Variants in MAF observed in about 807,000 individuals in gnomAD.
MAF encodes MAF bZIP transcription factor.
Under a neutral mutation model 22.0 loss-of-function variants are expected in MAF, and 10 were observed. The ratio of observed to expected loss-of-function variants is 0.45; its 90% CI spans 0.28 to 0.77. The LOEUF (loss-of-function observed/expected upper bound fraction) is 0.77, where lower values mean the gene tolerates loss of function less well. Among genes scored for constraint, MAF ranks in the 30% least tolerant of loss-of-function variants. The pLI is 0.12. For missense variants in MAF, 544 were observed against 548.4 expected (o/e 0.99, Z 0.08); for synonymous variants, 337 against 255.8 (o/e 1.32, Z -3.03).
the MAF span, among the ~76,000 whole-genome samples, chr16:79,252,060 G>A: frequency 2.8e-4 from 42 of 152,366 alleles, no homozygotes; most frequent in South Asian, 8.5e-3. Flanking sequence ...TGCCGTCCCG[G>A]CCTGCAGAAA....
chr16:79,558,060 T>G, the MAF span, among the ~76,000 whole-genome samples: 2 of 150,806 alleles, frequency 1.3e-5, no homozygotes, highest in Non-Finnish European at 1.5e-5. Flanking sequence ...ATGTGACACC[T>G]GTCCTGGAAA....
chr16:79,595,780 T>G (rs567492423), intron 1 of MAF: 5 of 1,056,992 alleles, frequency 4.7e-6, no homozygotes, highest in African/African-American at 1.7e-5. Flanking sequence ...TACTAGCTCA[T>G]CCAGGTAGAG....
At chr16:79,360,422 C>G in the MAF span, among the ~76,000 whole-genome samples, 1,086 of 152,258 alleles carry the variant, frequency 7.1e-3, 8 homozygotes, top group African/African-American at 0.025. Flanking sequence ...AGATTAAATC[C>G]CAGCTCTACC....
the MAF span, among the ~76,000 whole-genome samples, chr16:79,431,898 C>G: frequency 1.3e-5 from 2 of 152,176 alleles, no homozygotes; most frequent in Non-Finnish European, 2.9e-5. Flanking sequence ...TGCCACCTTT[C>G]CCTCATATGC....
chr16:79,534,372 C>T, the MAF span, among the ~76,000 whole-genome samples: 1 of 152,156 alleles, frequency 6.6e-6, no homozygotes, highest in East Asian at 1.9e-4. Flanking sequence ...GCCAGCTGGG[C>T]ATCTGAATTT....
At chr16:79,596,623 A>C (rs1013243368) in intron 1 of MAF, 3 of 1,041,010 alleles carry the variant, frequency 2.9e-6, no homozygotes, top group Admixed American at 5.6e-5. Context: ...CAAAATATGT[A>C]AAAGAAAAGT....
the MAF span, among the ~76,000 whole-genome samples, chr16:79,461,554 G>A: frequency 6.6e-6 from 1 of 152,166 alleles, no homozygotes; most frequent in Non-Finnish European, 1.5e-5. Context: ...TCTTCTGCTG[G>A]CTTGAACACA....
the MAF span, among the ~76,000 whole-genome samples, chr16:79,335,988 A>T: frequency 6.6e-6 from 1 of 152,104 alleles, no homozygotes; most frequent in Admixed American, 6.5e-5. Flanking sequence ...GCTTCTGGGG[A>T]TGTGGGACGG....
chr16:79,532,084 G>A, the MAF span, among the ~76,000 whole-genome samples: 44 of 152,154 alleles, frequency 2.9e-4, no homozygotes, highest in African/African-American at 9.9e-4. Flanking sequence ...TATTGCACGG[G>A]ATTGACTTAT....
At chr16:79,417,023 C>T in the MAF span, among the ~76,000 whole-genome samples, 1 of 152,304 alleles carries the variant, frequency 6.6e-6, no homozygotes. Context: ...GTTGTTTCCA[C>T]AATGCCAGAA....
chr16:79,480,874 T>C, the MAF span, among the ~76,000 whole-genome samples: 4 of 152,186 alleles, frequency 2.6e-5, no homozygotes, highest in East Asian at 1.9e-4. Flanking sequence ...ACCGTGGGAC[T>C]GGGCAGTTCA....
At chr16:79,281,256 GC>G in the MAF span, among the ~76,000 whole-genome samples, 1 of 149,474 alleles carries the variant, frequency 6.7e-6, no homozygotes, top group African/African-American at 2.5e-5. Context: ...AGGGTAATGA[GC>G]AAAGGGTATT....
At chr16:79,557,628 C>A in the MAF span, among the ~76,000 whole-genome samples, 2 of 152,080 alleles carry the variant, frequency 1.3e-5, no homozygotes, top group African/African-American at 2.4e-5. Context: ...AGCCAACCCT[C>A]AGAGTGTTGC....
chr16:79,246,650 C>T, the MAF span, among the ~76,000 whole-genome samples: 1 of 151,844 alleles, frequency 6.6e-6, no homozygotes, highest in South Asian at 2.1e-4. Context: ...AAATTTCCAA[C>T]ATGAAATGTG....
chr16:79,392,171 G>A, the MAF span, among the ~76,000 whole-genome samples: 1 of 146,044 alleles, frequency 6.8e-6, no homozygotes, highest in Non-Finnish European at 1.5e-5. Context: ...AAGGAGAGAG[G>A]GAAGAAGGAA....
the MAF span, among the ~76,000 whole-genome samples, chr16:79,533,677 A>G: frequency 0.021 from 3,171 of 152,198 alleles, 107 homozygotes; most frequent in South Asian, 0.068. Flanking sequence ...AGGGGGGAAA[A>G]TAACAGAGAT....
chr16:79,511,330 G>C, the MAF span, among the ~76,000 whole-genome samples: 5 of 152,060 alleles, frequency 3.3e-5, no homozygotes, highest in African/African-American at 1.2e-4. Flanking sequence ...TAAAATACTA[G>C]TATTTGTGTG....
the MAF span, among the ~76,000 whole-genome samples, chr16:79,478,979 C>T: frequency 1.3e-5 from 2 of 152,098 alleles, no homozygotes; most frequent in Admixed American, 6.5e-5. Context: ...CGTGCACCAC[C>T]TCAGCATACC....
chr16:79,445,347 T>C, the MAF span, among the ~76,000 whole-genome samples: 1 of 152,132 alleles, frequency 6.6e-6, no homozygotes, highest in Admixed American at 6.6e-5. Context: ...CCGGCCAACA[T>C]ACAGATGTTT....
Sources: gnomAD v4.1 joint callset for allele counts (sites outside exome capture counted in the v4.1 genomes callset) on GRCh38, gnomAD v4.1.1 for gene constraint, MANE v1.5 for transcripts, NCBI Gene and HGNC (gene_info 2026-07-23, HGNC 2026-07-21) for gene names.